MTMR3: variants seen among roughly 807,000 people sequenced by gnomAD.
MTMR3 encodes myotubularin related protein 3, also known as phosphatidylinositol-3,5-bisphosphate 3-phosphatase MTMR3.
A neutral mutation model predicts 132.4 loss-of-function variants in MTMR3; 32 were observed. The observed-to-expected ratio is 0.24, with a 90% CI of 0.18 to 0.32. The LOEUF (loss-of-function observed/expected upper bound fraction) is 0.32. Ranked by LOEUF, MTMR3 falls within the 10% of genes least tolerant of loss-of-function variation. MTMR3 has a pLI of 1.00. For synonymous variants in MTMR3, 556 were observed against 550.3 expected (o/e 1.01, Z -0.14); for missense variants, 1,216 against 1,489.6 (o/e 0.82, Z 3.02).
Position 29,962,910 on chromosome 22 carries a change from CTT to C in MTMR3, c.-85+5837_-85+5838del, listed in dbSNP as rs892383539. ...TACTTCATTCCTTTCTCTCTTTTTTCTTTTTTTTTTTTTTTTGAGACAGGGTC... is the reference window on the plus strand; with the variant it reads ...TACTTCATTCCTTTCTCTCTTTTTTCTTTTTTTTTTTTTTGAGACAGGGTC... On this transcript the variant is annotated intron_variant, in intron 2 of 19. Coordinates refer to ENST00000401950, the MANE Select transcript of MTMR3 (RefSeq NM_021090.4). Among the ~76,000 whole-genome samples, 607 of 133,516 alleles carry C rather than the reference CTT, an allele frequency of 4.5e-3. 4 individuals carry two copies. Among genetic ancestry groups the C allele is most frequent in the African/African-American group, 0.015 (551 of 35,718 alleles). 87.6% of individuals were successfully genotyped at this position (133,516 alleles called of 152,430 possible). A position where few individuals can be genotyped will look rare whatever the true frequency, so the allele number is the denominator to read the frequency against.
chr22:30,007,330 C>G lies in MTMR3; in HGVS notation c.877+11C>G. 2 of 1,612,310 alleles carry G rather than the reference C, an allele frequency of 1.2e-6. No individual in the cohort carries two copies. Among genetic ancestry groups the G allele is most frequent in the Non-Finnish European group, 1.7e-6 (2 of 1,178,634 alleles). ...CTGACGTGGAGTTCGGTAAGGTGCT[C>G]CCTGGACCCATGGCAATGATTTTTA... is the stretch of plus-strand genomic sequence containing the variant. On this transcript the variant is annotated intron_variant, in intron 10 of 19. Transcript: ENST00000401950.
intron 1 of MTMR3, among the ~76,000 whole-genome samples, chr22:29,952,024 G>A: frequency 6.6e-6 from 1 of 151,840 alleles, no homozygotes; most frequent in Non-Finnish European, 1.5e-5. Flanking sequence ...TAGTAGCTGG[G>A]ACTACAAGCA....
In MTMR3 at chr22:30,029,223, T is replaced by C. The variant is rs1431212943; in HGVS notation, c.*3422T>C. The C allele has an allele frequency of 6.6e-6, 1 of 152,352 alleles. No individual in the cohort carries two copies. Among genetic ancestry groups the C allele is most frequent in the Admixed American group, 6.5e-5 (1 of 15,288 alleles). 9.4% of individuals were successfully genotyped at this position (152,352 alleles called of 1,614,324 possible). On this transcript the variant is annotated 3_prime_UTR_variant, in exon 20 of 20. Coordinates refer to ENST00000401950, the MANE Select transcript of MTMR3 (RefSeq NM_021090.4). ...AGCAACAGGGCATGAACTGTGACTT[T>C]GAGCTGCCAGGTTGTCTTCATCTCA...
chr22:29,911,995 A>G (rs2065222385), intron 1 of MTMR3, among the ~76,000 whole-genome samples: 1 of 152,210 alleles, frequency 6.6e-6, no homozygotes, highest in Admixed American at 6.5e-5. Context: ...TAGCTATGAT[A>G]AACATATAAA....
At chr22:29,887,720 G>C (rs1165705508) in intron 1 of MTMR3, among the ~76,000 whole-genome samples, 2 of 152,184 alleles carry the variant, frequency 1.3e-5, no homozygotes, top group Non-Finnish European at 2.9e-5. Context: ...GTAGAAGGTG[G>C]TAGGAGCAAG....
intron 2 of MTMR3, among the ~76,000 whole-genome samples, chr22:29,957,427 T>G (rs923671936): frequency 1.5e-5 from 1 of 65,608 alleles, no homozygotes; most frequent in African/African-American, 4.5e-5. Context: ...ATTTATTTAT[T>G]TATTTATTTA....
chr22:29,957,991 C>CTATA lies in MTMR3; in HGVS notation c.-85+915_-85+918dup, dbSNP rs35229756. Reference sequence around the variant, plus strand: ...CATAGGTACATACGTAGAGGAAAAACTATATATATATATATGTATGTAGTT... The same window carrying CTATA: ...CATAGGTACATACGTAGAGGAAAAACTATATATATATATATATATGTATGTAGTT... On this transcript the variant is annotated intron_variant, in intron 2 of 19. Coordinates refer to ENST00000401950, the MANE Select transcript of MTMR3 (RefSeq NM_021090.4). Among the ~76,000 whole-genome samples the CTATA allele has an allele frequency of 1.3e-3, 195 of 150,384 alleles. 3 individuals are homozygous for CTATA. In the East Asian group the frequency reaches 0.033, roughly 25 times the overall value.
Position 30,008,040 on chromosome 22 carries a change from G to A in MTMR3, c.1009+8G>A, listed in dbSNP as rs773375198. ...GAGGCTGCGAATGCCCAGGTGAGGT[G>A]TATGGTGCTTTGTTCCCCATACTTT... On this transcript the variant is annotated splice_region_variant and intron_variant, in intron 11 of 19. Transcript: ENST00000401950. 5.6e-6 allele frequency: 9 copies of A among 1,612,090 alleles called. No individual in the cohort carries two copies. The Admixed American group carries it at 1.5e-4, about 27-fold the overall frequency.
intron 6 of MTMR3, 172 bp from the exon 7 acceptor site, chr22:29,991,332 T>G (rs1375325993): frequency 7.7e-6 from 4 of 522,204 alleles, no homozygotes; most frequent in Non-Finnish European, 1.3e-5. Flanking sequence ...TTGGCTAACA[T>G]TTGTTTTTCT....
chr22:29,999,015 C>T (rs1458868866), intron 8 of MTMR3, 158 bp downstream of exon 8: 4 of 485,424 alleles, frequency 8.2e-6, no homozygotes, highest in Non-Finnish European at 1.4e-5. Context: ...ATTGAATCTT[C>T]TGTTCCCGTT....
At chr22:30,010,324 C>T (rs2067383917) in intron 12 of MTMR3, 1 of 152,170 alleles carries the variant, frequency 6.6e-6, no homozygotes, top group Non-Finnish European at 1.5e-5. Context: ...TATTAAAATT[C>T]TTAAAGAGCT....
chr22:29,971,162 T>A, intron 3 of MTMR3, 100 bp downstream of exon 3: 1 of 1,249,582 alleles, frequency 8.0e-7, no homozygotes, highest in African/African-American at 1.5e-5. Context: ...TTTTTGTTTT[T>A]GTAAGAAATT....
In MTMR3 at chr22:30,030,214, A is replaced by G. The variant is rs956715383; in HGVS notation, c.*4413A>G. The G allele has an allele frequency of 1.5e-4, 23 of 152,292 alleles. No homozygotes were observed. The highest frequency in any genetic ancestry group is 4.1e-4 in the South Asian group (2 of 4,826). The allele number at this position is 152,292 out of a possible 1,614,324, so 9.4% of individuals were successfully genotyped here. Reference sequence around the variant, plus strand: ...TTTACCATTTAAGGTCTTTTCTATTATATCTGAGTAACTAGTCAGTTTTTC... The same window carrying G: ...TTTACCATTTAAGGTCTTTTCTATTGTATCTGAGTAACTAGTCAGTTTTTC... On this transcript the variant is annotated 3_prime_UTR_variant, in exon 20 of 20. Coordinates refer to ENST00000401950, the MANE Select transcript of MTMR3 (RefSeq NM_021090.4).
intron 1 of MTMR3, among the ~76,000 whole-genome samples, chr22:29,898,572 T>G (rs898569310): frequency 6.6e-6 from 1 of 152,102 alleles, no homozygotes; most frequent in South Asian, 2.1e-4. Context: ...CCTGCTAATT[T>G]TTGTATTTTT....
At chr22:29,978,244 A>T in intron 3 of MTMR3, 198 bp from the exon 4 acceptor site, 2 of 419,964 alleles carry the variant, frequency 4.8e-6, no homozygotes, top group African/African-American at 2.0e-5. Flanking sequence ...TTTTTGCATC[A>T]ATGTGTTTTC....
chr22:30,009,998 C>A (rs1374499279), intron 12 of MTMR3: 1 of 152,176 alleles, frequency 6.6e-6, no homozygotes, highest in Non-Finnish European at 1.5e-5. Flanking sequence ...CTGCCAGTAG[C>A]AAATGATTAA....
rs755250944 is a variant in MTMR3 at position 30,007,293 on chromosome 22, G to C, written c.851G>C (p.Gly284Ala). ...TRNTSRDFPN[G>A]GDLSDVEFDS... is the part of the protein sequence containing the mutation. ...AACACTTCTCGAGACTTTCCCAATGGGGGAGACCTTTCTGACGTGGAGTTC... is the reference window on the plus strand; with the variant it reads ...AACACTTCTCGAGACTTTCCCAATGCGGGAGACCTTTCTGACGTGGAGTTC... The change falls in exon 10 of 20, where the codon GGG (glycine) becomes GCG (alanine). Residue 284 changes from glycine to alanine, a missense_variant. Physicochemically the swap from Gly to Ala is moderately conservative, Grantham distance 60. Transcript: ENST00000401950. 21 of 1,614,158 alleles carry C rather than the reference G, an allele frequency of 1.3e-5. No individual in the cohort carries two copies. Among genetic ancestry groups the C allele is most frequent in the Admixed American group, 3.3e-5 (2 of 60,026 alleles).
chr22:29,925,345 C>T (rs147538529), intron 1 of MTMR3, among the ~76,000 whole-genome samples: 52 of 152,212 alleles, frequency 3.4e-4, no homozygotes, highest in Non-Finnish European at 4.4e-4. Context: ...AATTTTTTGA[C>T]GTCAGTGTTA....
At chr22:29,899,121 G>A (rs755518948) in intron 1 of MTMR3, among the ~76,000 whole-genome samples, 3 of 152,108 alleles carry the variant, frequency 2.0e-5, no homozygotes, top group Non-Finnish European at 4.4e-5. Context: ...CCTCCAGTGG[G>A]GTTGAGATGA....
Sources: gnomAD v4.1 joint callset for allele counts (sites outside exome capture counted in the v4.1 genomes callset) on GRCh38, gnomAD v4.1.1 for gene constraint, MANE v1.5 for transcripts, NCBI Gene and HGNC (gene_info 2026-07-23, HGNC 2026-07-21) for gene names.